PDE10A: variants seen among roughly 807,000 people sequenced by gnomAD.
The protein encoded by PDE10A is cAMP and cAMP-inhibited cGMP 3',5'-cyclic phosphodiesterase 10A.
A neutral mutation model predicts 97.7 loss-of-function variants in PDE10A; 39 were observed. The ratio of observed to expected loss-of-function variants is 0.40; its 90% confidence interval spans 0.31 to 0.52. The LOEUF (loss-of-function observed/expected upper bound fraction) is 0.52, where lower values mean the gene tolerates loss of function less well. PDE10A is among the 20% of genes least tolerant of loss of function. The pLI is 0.56. For missense variants in PDE10A, 731 were observed against 1,047.8 expected (o/e 0.70, Z 4.17); for synonymous variants, 371 against 376.8 (o/e 0.98, Z 0.18).
chr6:165,984,674 T>G (rs1032623346), intron 1 of PDE10A, among the ~76,000 whole-genome samples: 3 of 149,592 alleles, frequency 2.0e-5, no homozygotes, highest in African/African-American at 7.4e-5. Flanking sequence ...TAAAGTCACC[T>G]GCAGTGCTTG....
chr6:165,509,062 A>G (rs1781361969), intron 2 of PDE10A, among the ~76,000 whole-genome samples: 1 of 152,032 alleles, frequency 6.6e-6, no homozygotes, highest in African/African-American at 2.4e-5. Context: ...TCTTCCACTT[A>G]GCACAAATTT....
intron 1 of PDE10A, among the ~76,000 whole-genome samples, chr6:165,855,810 G>A (rs568098055): frequency 2.6e-4 from 40 of 152,202 alleles, no homozygotes; most frequent in South Asian, 1.5e-3. Context: ...TCTTGTCTGG[G>A]CGGCTGGTCA....
At chr6:165,791,659 T>A (rs1401539606) in intron 1 of PDE10A, among the ~76,000 whole-genome samples, 1 of 152,110 alleles carries the variant, frequency 6.6e-6, no homozygotes. Context: ...AGGACGAAGA[T>A]CAGCGCAGTC....
At chr6:165,703,301 G>A (rs1021888473) in intron 1 of PDE10A, among the ~76,000 whole-genome samples, 49 of 152,264 alleles carry the variant, frequency 3.2e-4, no homozygotes, top group African/African-American at 1.1e-3. Context: ...CCCTGCAATC[G>A]TAGCTTTAGA....
At chr6:165,802,195 T>C (rs1779003761) in intron 1 of PDE10A, among the ~76,000 whole-genome samples, 2 of 152,192 alleles carry the variant, frequency 1.3e-5, no homozygotes, top group African/African-American at 4.8e-5. Context: ...GTTCCCTGCC[T>C]TTGGTCTCTC....
At chr6:165,367,736 A>G (rs1783893611) in intron 18 of PDE10A, among the ~76,000 whole-genome samples, 1 of 152,056 alleles carries the variant, frequency 6.6e-6, no homozygotes. Context: ...CTGCCCACTA[A>G]GAACTCTAAG....
At chr6:165,713,914 A>C (rs1791963953) in intron 1 of PDE10A, among the ~76,000 whole-genome samples, 1 of 152,234 alleles carries the variant, frequency 6.6e-6, no homozygotes, top group African/African-American at 2.4e-5. Context: ...GATTTTTGAT[A>C]TGTCATAAGT....
chr6:165,552,087 C>T (rs1218026216), intron 1 of PDE10A, among the ~76,000 whole-genome samples: 1 of 152,182 alleles, frequency 6.6e-6, no homozygotes, highest in East Asian at 1.9e-4. Context: ...GCTACCTTCA[C>T]TAGCCACACA....
At chr6:165,461,799 C>T (rs1778344685) in intron 3 of PDE10A, among the ~76,000 whole-genome samples, 1 of 152,252 alleles carries the variant, frequency 6.6e-6, no homozygotes, top group East Asian at 1.9e-4. Flanking sequence ...CCTCTGGCCT[C>T]AAACGCAGAT....
intron 1 of PDE10A, among the ~76,000 whole-genome samples, chr6:165,958,111 G>A (rs1444356238): frequency 7.9e-5 from 12 of 152,156 alleles, no homozygotes; most frequent in Non-Finnish European, 1.5e-4. Context: ...TAGCAAGAGA[G>A]ACAAAACATG....
intron 13 of PDE10A, chr6:165,409,810 T>C (rs901510272): frequency 3.9e-5 from 6 of 152,122 alleles, no homozygotes; most frequent in African/African-American, 1.4e-4. Flanking sequence ...ATACTAGTTA[T>C]TTTACCAAAA....
chr6:165,628,853 TA>T (rs555696657), intron 1 of PDE10A, among the ~76,000 whole-genome samples: 26 of 152,298 alleles, frequency 1.7e-4, no homozygotes, highest in Admixed American at 1.6e-3. Flanking sequence ...TTTTTTCATA[TA>T]AAAAATGAAT....
intron 1 of PDE10A, among the ~76,000 whole-genome samples, chr6:165,577,080 A>G (rs4235950): frequency 0.98 from 149,252 of 152,326 alleles, 73,201 homozygotes; most frequent in East Asian, 1. Context: ...AAGCAGATCC[A>G]AAGGGTGTGA....
chr6:165,613,603 T>C, intron 1 of PDE10A, among the ~76,000 whole-genome samples: 1 of 152,130 alleles, frequency 6.6e-6, no homozygotes, highest in East Asian at 1.9e-4. Flanking sequence ...ACTGCACCAC[T>C]GCACTCCACC....
At chr6:165,350,801 C>A (rs1782641191) in intron 18 of PDE10A, among the ~76,000 whole-genome samples, 1 of 152,114 alleles carries the variant, frequency 6.6e-6, no homozygotes, top group Non-Finnish European at 1.5e-5. Context: ...AAGGGGCTTC[C>A]CTCTTCGCTG....
intron 1 of PDE10A, among the ~76,000 whole-genome samples, chr6:165,669,984 A>G (rs1175487315): frequency 1.3e-5 from 2 of 152,218 alleles, no homozygotes; most frequent in Non-Finnish European, 2.9e-5. Context: ...AAAGGACCCA[A>G]TTGGCCCCAG....
intron 1 of PDE10A, among the ~76,000 whole-genome samples, chr6:165,686,965 T>G (rs1791137983): frequency 1.4e-5 from 2 of 143,120 alleles, no homozygotes; most frequent in Non-Finnish European, 2.9e-5. Context: ...TGACATGAAT[T>G]ATACTAGCTA....
At chr6:165,921,483 A>C (rs1245075988) in intron 1 of PDE10A, among the ~76,000 whole-genome samples, 2 of 152,200 alleles carry the variant, frequency 1.3e-5, no homozygotes, top group African/African-American at 4.8e-5. Flanking sequence ...GAATCATTTG[A>C]TGTGTTAGAA....
intron 1 of PDE10A, among the ~76,000 whole-genome samples, chr6:165,947,706 A>T (rs932034143): frequency 6.6e-6 from 1 of 152,172 alleles, no homozygotes; most frequent in Non-Finnish European, 1.5e-5. Context: ...TATTGATTCA[A>T]TGTGCATTAA....
Sources: allele counts gnomAD v4.1 joint callset (sites outside exome capture counted in the v4.1 genomes callset), GRCh38; gene constraint gnomAD v4.1.1; transcripts MANE v1.5; gene names NCBI Gene and HGNC (gene_info 2026-07-23, HGNC 2026-07-21).